The following IMMP2L variants were observed in gnomAD, a reference collection of about 807,000 sequenced individuals.
IMMP2L encodes inner mitochondrial membrane peptidase subunit 2, also known as mitochondrial inner membrane protease subunit 2.
Under a neutral mutation model 19.3 loss-of-function variants are expected in IMMP2L, and 18 were observed. The observed-to-expected ratio is 0.93, with a 90% CI of 0.64 to 1.38. IMMP2L has a LOEUF of 1.38. Ranked by LOEUF, IMMP2L falls within the 40% of genes most tolerant of loss-of-function variation. The pLI is 0.00. For missense variants in IMMP2L, 233 were observed against 218.2 expected (o/e 1.07, Z -0.43); for synonymous variants, 76 against 73.0 (o/e 1.04, Z -0.21).
rs191858898 is a variant in IMMP2L at position 110,706,526 on chromosome 7, T to C, written c.409-42805A>G. The stretch of plus-strand genomic sequence containing the variant: ...TGCAGCCTCACCAGCATCTGTTGTT[T>C]GACTTCACAATAATAACCATTTTGA... On this transcript the variant is annotated intron_variant, in intron 5 of 5. Transcript: ENST00000405709. 3.8e-3 allele frequency among the ~76,000 whole-genome samples: 578 copies of C among 152,302 alleles called. 1 individual carries two copies. Among genetic ancestry groups the C allele is most frequent in the Non-Finnish European group, 6.6e-3 (446 of 68,032 alleles).
chr7:111,438,440 C>T (rs1164612263), intron 3 of IMMP2L, among the ~76,000 whole-genome samples: 1 of 151,536 alleles, frequency 6.6e-6, no homozygotes, highest in Non-Finnish European at 1.5e-5. Context: ...AGTCCCACAC[C>T]CACTGTTTCC....
intron 5 of IMMP2L, among the ~76,000 whole-genome samples, chr7:110,699,601 T>A (rs56307333): frequency 6.6e-6 from 1 of 152,042 alleles, no homozygotes; most frequent in East Asian, 1.9e-4. Context: ...AGAAACCTCA[T>A]CTCTACTAAA....
rs372401243 is a variant in IMMP2L at position 111,365,888 on chromosome 7, T to C, written c.239+121350A>G. On this transcript the variant is annotated intron_variant, in intron 3 of 5. Transcript: ENST00000405709. ...TTTTTTAAAACCTATCACAAAGACT[T>C]AGAATTATAAACCACCAGTAAAAAA... 1.3e-5 allele frequency among the ~76,000 whole-genome samples: 2 copies of C among 151,966 alleles called. 1 individual carries two copies. The highest frequency in any genetic ancestry group is 2.9e-5 in the Non-Finnish European group (2 of 67,970).
intron 2 of IMMP2L, among the ~76,000 whole-genome samples, chr7:111,506,828 G>A (rs1563287070): frequency 6.6e-6 from 1 of 151,636 alleles, no homozygotes; most frequent in Non-Finnish European, 1.5e-5. Context: ...ATCTTTCTGA[G>A]GTTTTTTTTG....
intron 1 of IMMP2L, among the ~76,000 whole-genome samples, chr7:111,528,111 T>C (rs1453011668): frequency 6.6e-6 from 1 of 152,184 alleles, no homozygotes; most frequent in African/African-American, 2.4e-5. Flanking sequence ...TCATATCCAA[T>C]AATTTTCTTA....
chr7:110,932,673 T>C (rs989294164), intron 4 of IMMP2L, among the ~76,000 whole-genome samples: 9 of 152,188 alleles, frequency 5.9e-5, no homozygotes, highest in Admixed American at 2.6e-4. Flanking sequence ...AGTTTTTACA[T>C]TCTCCAGTGA....
At chr7:111,465,589 G>A in intron 3 of IMMP2L, among the ~76,000 whole-genome samples, 1 of 151,046 alleles carries the variant, frequency 6.6e-6, no homozygotes, top group Non-Finnish European at 1.5e-5. Context: ...CATCATCACT[G>A]GCCATCAGAG....
At position 111,253,602 on chromosome 7, in the gene IMMP2L, G is replaced by C. The variant is rs1205757621; in HGVS notation, c.239+233636C>G. Among the ~76,000 whole-genome samples, 5 of 152,188 alleles carry C rather than the reference G, an allele frequency of 3.3e-5. No homozygotes were observed. The South Asian group carries it at 8.3e-4, about 25-fold the overall frequency. Reference sequence around the variant, plus strand: ...TCATGAAAAGTAACACCAATGGTCTGAGGAGGAAATTCCTCTAAGTGTTTT... The same window carrying C: ...TCATGAAAAGTAACACCAATGGTCTCAGGAGGAAATTCCTCTAAGTGTTTT... On this transcript the variant is annotated intron_variant, in intron 3 of 5. Coordinates refer to ENST00000405709, the MANE Select transcript of IMMP2L (RefSeq NM_032549.4).
At chr7:111,035,945 C>A (rs1334695588) in intron 3 of IMMP2L, among the ~76,000 whole-genome samples, 1 of 152,026 alleles carries the variant, frequency 6.6e-6, no homozygotes, top group East Asian at 1.9e-4. Flanking sequence ...ATGGGAATGA[C>A]AACAGTACTT....
intron 5 of IMMP2L, among the ~76,000 whole-genome samples, chr7:110,872,190 C>T (rs975658464): frequency 3.3e-5 from 5 of 152,112 alleles, no homozygotes; most frequent in Admixed American, 6.6e-5. Context: ...CAGAATATAT[C>T]GGATATCTAG....
At chr7:111,072,147 G>C (rs557972244) in intron 3 of IMMP2L, among the ~76,000 whole-genome samples, 1 of 152,254 alleles carries the variant, frequency 6.6e-6, no homozygotes, top group South Asian at 2.1e-4. Flanking sequence ...AGAAGAGAAA[G>C]CTCTTCCTTA....
intron 5 of IMMP2L, among the ~76,000 whole-genome samples, chr7:110,838,286 A>T (rs1327163324): frequency 6.6e-6 from 1 of 152,152 alleles, no homozygotes; most frequent in Non-Finnish European, 1.5e-5. Flanking sequence ...TATGAACATA[A>T]ATAGAAGTAG....
intron 3 of IMMP2L, among the ~76,000 whole-genome samples, chr7:111,161,003 G>A (rs1209308328): frequency 2.6e-5 from 4 of 151,412 alleles, no homozygotes; most frequent in South Asian, 2.1e-4. Flanking sequence ...TCATTAAATA[G>A]AAATATCTTT....
At chr7:110,995,303 T>C (rs1822915038) in intron 3 of IMMP2L, among the ~76,000 whole-genome samples, 1 of 152,156 alleles carries the variant, frequency 6.6e-6, no homozygotes, top group Non-Finnish European at 1.5e-5. Context: ...CTAAAAGTTA[T>C]AATGATTTCT....
chr7:111,543,869 AC>A (rs1168056230), intron 1 of IMMP2L, among the ~76,000 whole-genome samples: 1 of 152,182 alleles, frequency 6.6e-6, no homozygotes, highest in Non-Finnish European at 1.5e-5. Context: ...TTTTCTTCAG[AC>A]TTTTTTCCGC....
chr7:111,542,935 T>C (rs1585612281), intron 1 of IMMP2L, among the ~76,000 whole-genome samples: 1 of 152,158 alleles, frequency 6.6e-6, no homozygotes, highest in African/African-American at 2.4e-5. Context: ...ACATAAAATA[T>C]ATGTGCATTC....
chr7:111,527,602 A>G (rs1847001663), intron 1 of IMMP2L, among the ~76,000 whole-genome samples: 1 of 152,210 alleles, frequency 6.6e-6, no homozygotes, highest in African/African-American at 2.4e-5. Context: ...TTTTTTAAGT[A>G]TTGAAAATAA....
At chr7:110,786,606 G>A (rs1182851604) in intron 5 of IMMP2L, among the ~76,000 whole-genome samples, 6 of 152,008 alleles carry the variant, frequency 3.9e-5, no homozygotes, top group Non-Finnish European at 7.4e-5. Context: ...CACTAAGTAT[G>A]ATCTAAATAT....
intron 3 of IMMP2L, among the ~76,000 whole-genome samples, chr7:111,327,093 A>G (rs1166845145): frequency 6.6e-6 from 1 of 151,798 alleles, no homozygotes; most frequent in African/African-American, 2.4e-5. Context: ...GCCAGCATAG[A>G]TAAACCTGGA....
Sources: allele counts gnomAD v4.1 joint callset (sites outside exome capture counted in the v4.1 genomes callset), GRCh38; gene constraint gnomAD v4.1.1; transcripts MANE v1.5; gene names NCBI Gene and HGNC (gene_info 2026-07-23, HGNC 2026-07-21).